The following WNT9A variants were observed in gnomAD, a reference collection of about 807,000 sequenced individuals.
The protein encoded by WNT9A is Wnt family member 9A, also known as protein Wnt-9a.
A neutral mutation model predicts 31.4 loss-of-function variants in WNT9A; 8 were observed. That is an observed-to-expected ratio of 0.26 (90% CI 0.15 to 0.46). The LOEUF (loss-of-function observed/expected upper bound fraction) is 0.46, where lower values mean the gene tolerates loss of function less well. Ranked by LOEUF, WNT9A falls within the 20% of genes least tolerant of loss-of-function variation. The pLI is 0.99. For synonymous variants in WNT9A, 236 were observed against 220.1 expected (o/e 1.07, Z -0.64); for missense variants, 457 against 522.9 (o/e 0.87, Z 1.23).
chr1:227,947,535 G>GCGACTA (rs535868104), intron 1 of WNT9A, among the ~76,000 whole-genome samples: 144 of 151,926 alleles, frequency 9.5e-4, no homozygotes, highest in African/African-American at 3.4e-3. Flanking sequence ...GCTCACGGCG[G>GCGACTA]CGACTACGAC....
chr1:227,933,610 C>T (rs376816650), intron 1 of WNT9A, among the ~76,000 whole-genome samples: 15 of 152,256 alleles, frequency 9.9e-5, no homozygotes, highest in Admixed American at 6.5e-4. Flanking sequence ...GAGGGACGTG[C>T]GACTCTCCCT....
At chr1:227,937,124 T>C (rs1397350453) in intron 1 of WNT9A, among the ~76,000 whole-genome samples, 1 of 152,222 alleles carries the variant, frequency 6.6e-6, no homozygotes, top group Non-Finnish European at 1.5e-5. Flanking sequence ...CTTACTTACT[T>C]TTCTCCCCCT....
At chr1:227,922,539 C>G (rs1272325873) in intron 3 of WNT9A, among the ~76,000 whole-genome samples, 1 of 152,238 alleles carries the variant, frequency 6.6e-6, no homozygotes, top group Non-Finnish European at 1.5e-5. Context: ...GGTCAGCCTG[C>G]TGGGGGGCCA....
intron 1 of WNT9A, among the ~76,000 whole-genome samples, chr1:227,939,026 G>A (rs1022458447): frequency 1.3e-5 from 2 of 152,166 alleles, no homozygotes; most frequent in African/African-American, 2.4e-5. Context: ...ACGGCTCCAC[G>A]GGACACCCAT....
chr1:227,927,399 G>A lies in WNT9A; in HGVS notation c.96-1880C>T, dbSNP rs756811281. Among the ~76,000 whole-genome samples, 3 of 152,320 alleles carry A rather than the reference G, an allele frequency of 2.0e-5. No homozygotes were observed. In the East Asian group the frequency reaches 5.8e-4, roughly 29 times the overall value. On this transcript the variant is annotated intron_variant, in intron 1 of 3. Transcript: ENST00000272164. Reference sequence around the variant, plus strand: ...GACAGGAGGGACCAGCCAGTCCTCTGAGCCTGGACACTGCCGTGGGCTGAG... The same window carrying A: ...GACAGGAGGGACCAGCCAGTCCTCTAAGCCTGGACACTGCCGTGGGCTGAG...
At chr1:227,930,311 A>G (rs1220962387) in intron 1 of WNT9A, among the ~76,000 whole-genome samples, 4 of 152,194 alleles carry the variant, frequency 2.6e-5, no homozygotes, top group Non-Finnish European at 4.4e-5. Context: ...CAGGGGCTGC[A>G]TGTGCATGCG....
intron 1 of WNT9A, among the ~76,000 whole-genome samples, chr1:227,947,138 T>G (rs1666807518): frequency 6.6e-6 from 1 of 152,036 alleles, no homozygotes; most frequent in African/African-American, 2.4e-5. Flanking sequence ...AAAGCGCTGC[T>G]GCAGAGACAC....
intron 1 of WNT9A, among the ~76,000 whole-genome samples, chr1:227,933,846 A>G (rs1666548125): frequency 7.0e-6 from 1 of 143,060 alleles, no homozygotes. Flanking sequence ...CCACAGTCAG[A>G]CGCAGGGCCT....
At chr1:227,939,771 C>A (rs2102729148) in intron 1 of WNT9A, among the ~76,000 whole-genome samples, 1 of 152,326 alleles carries the variant, frequency 6.6e-6, no homozygotes, top group East Asian at 1.9e-4. Context: ...GCCAGCAAAA[C>A]CTCAGTCCTG....
rs568175769 is a variant in WNT9A at position 227,921,691 on chromosome 1, C to A, written c.925G>T (p.Ala309Ser). 1.2e-6 allele frequency: 2 copies of A among 1,612,922 alleles called. No homozygotes were observed. Among genetic ancestry groups the A allele is most frequent in the South Asian group, 1.1e-5 (1 of 91,070 alleles). ...CLAGRFSPGT[A>S]GRRCHREKNC... ...TTCTCACGGTGGCACCTACGGCCAG[C>A]GGTGCCCGGGGAGAAGCGGCCAGCC... Residue 309 changes from alanine to serine, a missense_variant, in exon 4 of 4, where the codon GCT becomes TCT. By Grantham distance (99) the Ala-to-Ser change is moderately conservative (BLOSUM62 1). Transcript: ENST00000272164.
chr1:227,944,788 G>A (rs142498120), intron 1 of WNT9A, among the ~76,000 whole-genome samples: 2 of 152,138 alleles, frequency 1.3e-5, no homozygotes, highest in African/African-American at 2.4e-5. Context: ...TCGTGCCCCC[G>A]CAAAGTAACC....
intron 1 of WNT9A, among the ~76,000 whole-genome samples, chr1:227,927,571 T>A (rs1375547395): frequency 6.6e-6 from 1 of 152,050 alleles, no homozygotes; most frequent in East Asian, 1.9e-4. Flanking sequence ...GGATGGGATG[T>A]CCCAGGACAT....
At position 227,928,497 on chromosome 1, in the gene WNT9A, GC is replaced by G. The variant is rs1666456646; in HGVS notation, c.96-2979del. ...CTGGCCATGGCCTTCTTAAGCTCCT[GC>G]CCCCTCACCTCTCCCACCCTGGGTA... On this transcript the variant is annotated intron_variant, in intron 1 of 3. Coordinates refer to ENST00000272164, the MANE Select transcript of WNT9A (RefSeq NM_003395.4). The surrounding 1 kb of genome is among the most constrained non-coding windows in gnomAD (Gnocchi z 4.5). Among the ~76,000 whole-genome samples the G allele has an allele frequency of 6.6e-6, 1 of 152,182 alleles. No homozygotes were observed. Among genetic ancestry groups the G allele is most frequent in the African/African-American group, 2.4e-5 (1 of 41,444 alleles).
chr1:227,939,291 C>T (rs1028003562), intron 1 of WNT9A, among the ~76,000 whole-genome samples: 2 of 152,198 alleles, frequency 1.3e-5, no homozygotes, highest in East Asian at 1.9e-4. Context: ...AAGCTGGCCG[C>T]GGTGGTCAGC....
chr1:227,935,164 T>C lies in WNT9A; in HGVS notation c.96-9645A>G, dbSNP rs149409000. Among the ~76,000 whole-genome samples, 861 of 150,542 alleles carry C rather than the reference T, an allele frequency of 5.7e-3. 7 individuals carry two copies. Among genetic ancestry groups the C allele is most frequent in the African/African-American group, 0.02 (799 of 40,748 alleles). On this transcript the variant is annotated intron_variant, in intron 1 of 3. Transcript: ENST00000272164. ...CCTGAGTCACATCCCCTGTTCACCA[T>C]AGCAGAAACTGTGACCCCAGCCACA...
chr1:227,923,985 C>T (rs951188248), intron 3 of WNT9A, among the ~76,000 whole-genome samples, 153 bp downstream of exon 3: 2 of 152,052 alleles, frequency 1.3e-5, no homozygotes, highest in African/African-American at 4.8e-5. Context: ...CCATGACTGG[C>T]GCTGCACGGC....
chr1:227,946,176 C>G (rs2102733568), intron 1 of WNT9A, among the ~76,000 whole-genome samples: 1 of 152,384 alleles, frequency 6.6e-6, no homozygotes, highest in Non-Finnish European at 1.5e-5. Context: ...CCTGGACTTA[C>G]TGTCTGCAAG....
At chr1:227,946,518 G>A (rs927611488) in intron 1 of WNT9A, among the ~76,000 whole-genome samples, 11 of 152,344 alleles carry the variant, frequency 7.2e-5, no homozygotes, top group Admixed American at 7.2e-4. Flanking sequence ...TGCCAGCCCA[G>A]GCCCAGGGCC....
At position 227,945,669 on chromosome 1, in the gene WNT9A, G is replaced by A. The variant is rs552381898; in HGVS notation, c.95+2124C>T. Among the ~76,000 whole-genome samples, 11 of 152,114 alleles carry A rather than the reference G, an allele frequency of 7.2e-5. No individual in the cohort carries two copies. The East Asian group carries it at 1.9e-3, about 27-fold the overall frequency. ...TCCCTGCTTCCTGGACTGGAGCTGG[G>A]AAGGGCCACCCCAGCCCCCCTCCAG... On this transcript the variant is annotated intron_variant, in intron 1 of 3. Coordinates refer to ENST00000272164, the MANE Select transcript of WNT9A (RefSeq NM_003395.4).
Sources: allele counts gnomAD v4.1 joint callset (sites outside exome capture counted in the v4.1 genomes callset), GRCh38; gene constraint gnomAD v4.1.1; non-coding constraint Gnocchi (gnomAD v3.1); transcripts MANE v1.5; gene names NCBI Gene and HGNC (gene_info 2026-07-23, HGNC 2026-07-21).